ZBTB20: variants seen among roughly 807,000 people sequenced by gnomAD.
ZBTB20 encodes zinc finger and BTB domain-containing protein 20.
Under a neutral mutation model 56.9 loss-of-function variants are expected in ZBTB20, and 9 were observed. The observed-to-expected ratio is 0.16, with a 90% CI of 0.10 to 0.28. The LOEUF (loss-of-function observed/expected upper bound fraction) is 0.28. ZBTB20 is among the 10% of genes least tolerant of loss of function. The pLI, the probability that ZBTB20 is intolerant of heterozygous loss-of-function variation, is 1.00. For missense variants in ZBTB20, 655 were observed against 1,003.0 expected (o/e 0.65, Z 4.69); for synonymous variants, 417 against 420.7 (o/e 0.99, Z 0.11).
chr3:115,085,332 G>A (rs1433437388), intron 1 of ZBTB20, among the ~76,000 whole-genome samples: 1 of 151,852 alleles, frequency 6.6e-6, no homozygotes, highest in Non-Finnish European at 1.5e-5. Context: ...ATTGGTTTTG[G>A]GATGTGAACA....
Position 114,314,573 on chromosome 3 carries a change from G to A in ZBTB20, c.*24432C>T, listed in dbSNP as rs1417269223. On this transcript the variant is annotated 3_prime_UTR_variant, in exon 12 of 12. Transcript: ENST00000675478. ...ACAGTGTGAACTTGTACAATACCTC[G>A]GAAAGTGAAACTTACAAAAAAAGTG... The A allele has an allele frequency of 1.4e-5, 2 of 147,056 alleles. No homozygotes were observed. Among genetic ancestry groups the A allele is most frequent in the African/African-American group, 2.5e-5 (1 of 39,912 alleles). 9.1% of individuals were successfully genotyped at this position (147,056 alleles called of 1,614,324 possible).
intron 6 of ZBTB20, among the ~76,000 whole-genome samples, chr3:114,551,065 T>A (rs1378893263): frequency 6.6e-6 from 1 of 152,172 alleles, no homozygotes; most frequent in Non-Finnish European, 1.5e-5. Flanking sequence ...TAAATTTTTT[T>A]AAAGAGGATA....
intron 7 of ZBTB20, among the ~76,000 whole-genome samples, chr3:114,389,621 G>A (rs1013728926): frequency 2.0e-5 from 3 of 151,920 alleles, no homozygotes; most frequent in African/African-American, 7.3e-5. Flanking sequence ...TGGGTGTGCT[G>A]GCTCACACCT....
intron 4 of ZBTB20, among the ~76,000 whole-genome samples, chr3:114,847,704 C>T (rs780610680): frequency 6.6e-6 from 1 of 152,078 alleles, no homozygotes; most frequent in Non-Finnish European, 1.5e-5. Context: ...TCATAATCTA[C>T]TGTAGTCATT....
intron 6 of ZBTB20, among the ~76,000 whole-genome samples, chr3:114,548,500 GT>G (rs1009279433): frequency 6.6e-6 from 1 of 150,504 alleles, no homozygotes; most frequent in African/African-American, 2.4e-5. Context: ...TATTTCTTTT[GT>G]TTTTCTTTTT....
chr3:114,918,109 C>A (rs1238655221), intron 3 of ZBTB20, among the ~76,000 whole-genome samples: 2 of 150,452 alleles, frequency 1.3e-5, no homozygotes, highest in East Asian at 2.0e-4. Context: ...GTCTTTTCCA[C>A]AAGCACAGAA....
chr3:114,668,059 T>C (rs2061158389), intron 6 of ZBTB20, among the ~76,000 whole-genome samples: 1 of 152,112 alleles, frequency 6.6e-6, no homozygotes. Context: ...TTATTAAATA[T>C]GTAATCCTTT....
chr3:114,440,557 A>G (rs1395213947), intron 7 of ZBTB20, among the ~76,000 whole-genome samples: 7 of 152,146 alleles, frequency 4.6e-5, no homozygotes, highest in Non-Finnish European at 4.4e-5. Context: ...TGGTTGCTCT[A>G]AATTTACACT....
chr3:114,428,783 G>T (rs906232303), intron 7 of ZBTB20, among the ~76,000 whole-genome samples: 1 of 152,186 alleles, frequency 6.6e-6, no homozygotes, highest in African/African-American at 2.4e-5. Context: ...TAGAGAGAAA[G>T]AATCAAATTC....
At chr3:114,576,364 T>A (rs1410430372) in intron 6 of ZBTB20, among the ~76,000 whole-genome samples, 5 of 150,588 alleles carry the variant, frequency 3.3e-5, no homozygotes, top group Non-Finnish European at 7.4e-5. Context: ...TAGCCAGGCG[T>A]GGTGGCGGGC....
chr3:114,660,001 A>T (rs1399200744), intron 6 of ZBTB20, among the ~76,000 whole-genome samples: 1 of 151,948 alleles, frequency 6.6e-6, no homozygotes, highest in Non-Finnish European at 1.5e-5. Context: ...AATTTTTTAA[A>T]AATTCTAGTT....
At chr3:114,624,335 T>C (rs1171361840) in intron 6 of ZBTB20, 3 of 135,444 alleles carry the variant, frequency 2.2e-5, no homozygotes, top group East Asian at 2.1e-4. Flanking sequence ...AAATGTCTTA[T>C]AAATAAACAA....
At chr3:114,617,875 T>C (rs2058042836) in intron 6 of ZBTB20, among the ~76,000 whole-genome samples, 1 of 152,170 alleles carries the variant, frequency 6.6e-6, no homozygotes, top group South Asian at 2.1e-4. Flanking sequence ...TGTCCCCCAA[T>C]GAAGACTTCC....
At chr3:114,977,145 T>C (rs2078135255) in intron 2 of ZBTB20, among the ~76,000 whole-genome samples, 1 of 152,242 alleles carries the variant, frequency 6.6e-6, no homozygotes, top group Non-Finnish European at 1.5e-5. Context: ...ATTTACATGC[T>C]GTCTGACTCC....
At chr3:114,370,786 A>C (rs1277018962) in intron 10 of ZBTB20, among the ~76,000 whole-genome samples, 1 of 152,198 alleles carries the variant, frequency 6.6e-6, no homozygotes, top group Non-Finnish European at 1.5e-5. Context: ...CACTGGGAAC[A>C]CCTGTGGTAG....
At position 114,758,580 on chromosome 3, in the gene ZBTB20, T is replaced by C. The variant is rs767341019; in HGVS notation, c.-343+42521A>G. Among the ~76,000 whole-genome samples the C allele has an allele frequency of 1.2e-4, 19 of 152,176 alleles. 1 individual carries two copies. Among genetic ancestry groups the C allele is most frequent in the South Asian group, 2.1e-4 (1 of 4,832 alleles). On this transcript the variant is annotated intron_variant, in intron 5 of 11. Coordinates refer to ENST00000675478, the MANE Select transcript of ZBTB20 (RefSeq NM_001348800.3). Reference sequence around the variant, plus strand: ...AATGTTGAAAATAACTAAAGATCTTTAAATCAAGTGATAATTTTACACATA... The same window carrying C: ...AATGTTGAAAATAACTAAAGATCTTCAAATCAAGTGATAATTTTACACATA...
At chr3:115,040,467 A>T (rs2135339) in intron 2 of ZBTB20, among the ~76,000 whole-genome samples, 91,156 of 151,888 alleles carry the variant, frequency 0.6, 30,173 homozygotes, top group Non-Finnish European at 0.76. Flanking sequence ...GATTAATAGG[A>T]TTTAACTAGA....
chr3:114,356,207 TG>T (rs1179422860), intron 10 of ZBTB20: 1 of 152,096 alleles, frequency 6.6e-6, no homozygotes, highest in African/African-American at 2.4e-5. Context: ...AAAATCTGCC[TG>T]TGGGGAATTG....
intron 2 of ZBTB20, among the ~76,000 whole-genome samples, chr3:115,007,428 T>C (rs2079521198): frequency 6.6e-6 from 1 of 151,878 alleles, no homozygotes; most frequent in Admixed American, 6.6e-5. Context: ...GTCATCAAAC[T>C]CATTCTTCAG....
Sources: gnomAD v4.1 joint callset for allele counts (sites outside exome capture counted in the v4.1 genomes callset) on GRCh38, gnomAD v4.1.1 for gene constraint, MANE v1.5 for transcripts, NCBI Gene and HGNC (gene_info 2026-07-23, HGNC 2026-07-21) for gene names.